Variants in FMN1 observed in about 807,000 individuals in gnomAD.
FMN1 encodes the protein formin 1, also known as formin-1.
FMN1 carries 110 observed loss-of-function variants against 132.4 expected under a neutral mutation model. The ratio of observed to expected loss-of-function variants is 0.83; its 90% CI spans 0.71 to 0.97. The LOEUF (loss-of-function observed/expected upper bound fraction) is 0.97, where lower values mean the gene tolerates loss of function less well. Ranked by LOEUF, FMN1 falls within the 50% of genes least tolerant of loss-of-function variation. FMN1 has a pLI of 0.00. For missense variants in FMN1, 1,792 were observed against 1,705.3 expected (o/e 1.05, Z -0.90); for synonymous variants, 722 against 651.7 (o/e 1.11, Z -1.64).
At chr15:33,153,021 T>C (rs1401305492) in intron 4 of FMN1, 27 bp downstream of exon 4, 3 of 1,472,984 alleles carry the variant, frequency 2.0e-6, no homozygotes, top group Non-Finnish European at 2.7e-6. Flanking sequence ...CAAGAATAGA[T>C]TCAAAGCATC....
Position 32,901,929 on chromosome 15 carries a change from G to A in FMN1, c.3489C>T (p.Ile1163=), listed in dbSNP as rs1189792963. ...GITSLHRKVE[I]ITRASKDLLH... ...AACATACCTTAGAAGCTCGCGTGAT[G>A]ATCTCTACCTTTCTGTGCAAGGAGG... Residue 1163 remains isoleucine, a synonymous_variant, in exon 13 of 21, where the codon ATC becomes ATT. Transcript: ENST00000616417. The A allele has an allele frequency of 1.2e-6, 2 of 1,610,998 alleles. No homozygotes were observed. The highest frequency in any genetic ancestry group is 2.2e-5 in the East Asian group (1 of 44,798).
intron 17 of FMN1, among the ~76,000 whole-genome samples, chr15:32,850,983 G>C (rs540649640): frequency 6.6e-6 from 1 of 151,940 alleles, no homozygotes; most frequent in Non-Finnish European, 1.5e-5. Context: ...GCGTGAACCC[G>C]GGAGGCAGAG....
chr15:32,927,003 G>A (rs751455), intron 9 of FMN1, among the ~76,000 whole-genome samples: 2,054 of 152,010 alleles, frequency 0.014, 44 homozygotes, highest in African/African-American at 0.047. Flanking sequence ...TCATTGCCCA[G>A]GCTGATCTGA....
At chr15:32,985,145 G>A (rs1044536991) in intron 7 of FMN1, among the ~76,000 whole-genome samples, 1 of 152,036 alleles carries the variant, frequency 6.6e-6, no homozygotes, top group African/African-American at 2.4e-5. Context: ...TTTCTCCAAA[G>A]GCTGGTTTAG....
intron 6 of FMN1, among the ~76,000 whole-genome samples, chr15:33,036,868 T>C (rs183368808): frequency 1.2e-4 from 19 of 152,346 alleles, no homozygotes; most frequent in Non-Finnish European, 1.6e-4. Context: ...TTTGTACCAT[T>C]TGAGTGCCTA....
chr15:32,881,706 A>G (rs996060750), intron 16 of FMN1, among the ~76,000 whole-genome samples: 1 of 152,166 alleles, frequency 6.6e-6, no homozygotes. Context: ...CATGGAGGGA[A>G]AGCCACTTGA....
At chr15:32,805,592 G>C (rs2057652003) in intron 17 of FMN1, among the ~76,000 whole-genome samples, 1 of 152,172 alleles carries the variant, frequency 6.6e-6, no homozygotes, top group Non-Finnish European at 1.5e-5. Flanking sequence ...ATAGCTAATA[G>C]TGGCCAAATA....
At chr15:32,963,269 C>T in intron 9 of FMN1, among the ~76,000 whole-genome samples, 1 of 148,990 alleles carries the variant, frequency 6.7e-6, no homozygotes, top group East Asian at 2.0e-4. Flanking sequence ...CGCATATTCT[C>T]ACTCATAGGT....
At chr15:32,838,306 A>G (rs1350178024) in intron 17 of FMN1, among the ~76,000 whole-genome samples, 2 of 152,186 alleles carry the variant, frequency 1.3e-5, no homozygotes, top group Non-Finnish European at 2.9e-5. Context: ...AGGTGAGGCC[A>G]ATGTATGGAA....
chr15:32,966,666 A>G (rs2031264243), intron 8 of FMN1, among the ~76,000 whole-genome samples: 2 of 152,220 alleles, frequency 1.3e-5, no homozygotes, highest in South Asian at 2.1e-4. Context: ...GTCAAAAGCA[A>G]TTTAGGTAGA....
chr15:33,020,797 A>G (rs345844), intron 6 of FMN1, among the ~76,000 whole-genome samples: 99,976 of 152,116 alleles, frequency 0.66, 33,623 homozygotes, highest in Non-Finnish European at 0.73. Context: ...TCTTTGAAAT[A>G]TCTAAGAACT....
intron 19 of FMN1, among the ~76,000 whole-genome samples, chr15:32,795,282 G>A (rs993622774): frequency 6.6e-6 from 1 of 152,074 alleles, no homozygotes; most frequent in African/African-American, 2.4e-5. Flanking sequence ...ATTTCAAGAG[G>A]GCAATGAAAA....
intron 17 of FMN1, among the ~76,000 whole-genome samples, chr15:32,814,977 C>T (rs1208287203): frequency 6.6e-6 from 1 of 152,086 alleles, no homozygotes; most frequent in African/African-American, 2.4e-5. Flanking sequence ...GAGTCTCGCT[C>T]TGTCGCCCAG....
Position 33,162,959 on chromosome 15 carries a change from A to G in FMN1, c.-131-7914T>C, listed in dbSNP as rs139768331. 4.0e-3 allele frequency among the ~76,000 whole-genome samples: 614 copies of G among 152,256 alleles called. 8 individuals carry two copies. Among genetic ancestry groups the G allele is most frequent in the African/African-American group, 0.014 (589 of 41,540 alleles). ...TAGTGAAACCCCATCCCTACTAAAA[A>G]TACAAAAACTAGCTTGGTGTGGCTA... On this transcript the variant is annotated intron_variant, in intron 3 of 20. Coordinates refer to ENST00000616417, the MANE Select transcript of FMN1 (RefSeq NM_001277313.2).
chr15:32,897,359 G>C (rs1203896754), intron 15 of FMN1, among the ~76,000 whole-genome samples: 10 of 152,106 alleles, frequency 6.6e-5, no homozygotes, highest in Non-Finnish European at 1.5e-4. Flanking sequence ...GTCTGGTTAA[G>C]TCTGTAACAC....
chr15:33,150,177 G>C, intron 4 of FMN1: 3 of 985,424 alleles, frequency 3.0e-6, no homozygotes, highest in Non-Finnish European at 3.6e-6. Context: ...GGCACTAAAA[G>C]GGTTTACTTT....
intron 7 of FMN1, among the ~76,000 whole-genome samples, chr15:32,973,036 C>A (rs1349880432): frequency 6.6e-6 from 1 of 152,196 alleles, no homozygotes; most frequent in Non-Finnish European, 1.5e-5. Flanking sequence ...TTGTCACCCC[C>A]ACCACCTCAA....
chr15:32,896,778 T>C lies in FMN1; in HGVS notation c.3714+2056A>G, dbSNP rs1331508969. ...TTTATGGTTGAATAATATTCCCTAG[T>C]ACATATACGCATTTTCTTTACCTAT... is the stretch of plus-strand genomic sequence containing the variant. On this transcript the variant is annotated intron_variant, in intron 15 of 20. Transcript: ENST00000616417. 3.3e-5 allele frequency among the ~76,000 whole-genome samples: 5 copies of C among 152,192 alleles called. 1 individual carries two copies. Among genetic ancestry groups the C allele is most frequent in the Non-Finnish European group, 7.4e-5 (5 of 68,006 alleles).
At chr15:32,856,917 T>C in intron 17 of FMN1, 98 bp downstream of exon 17, 1 of 811,788 alleles carries the variant, frequency 1.2e-6, no homozygotes, top group Non-Finnish European at 2.1e-6. Context: ...CTGCCTGTGG[T>C]CAGCCAGGAT....
Sources: allele counts gnomAD v4.1 joint callset (sites outside exome capture counted in the v4.1 genomes callset), GRCh38; gene constraint gnomAD v4.1.1; transcripts MANE v1.5; gene names NCBI Gene and HGNC (gene_info 2026-07-23, HGNC 2026-07-21).